Variants in ST7L observed in about 807,000 individuals in gnomAD.
ST7L encodes the protein suppressor of tumorigenicity 7 protein-like.
Under a neutral mutation model 72.5 loss-of-function variants are expected in ST7L, and 57 were observed. That is an observed-to-expected ratio of 0.79 (90% CI 0.64 to 0.98). ST7L has a LOEUF of 0.98. Ranked by LOEUF, ST7L falls within the 50% of genes least tolerant of loss-of-function variation. The probability of loss-of-function intolerance (pLI) is 0.00; values close to 1 mark genes in which losing one functional copy is unlikely to be tolerated. For missense variants in ST7L, 576 were observed against 672.2 expected, an observed-to-expected ratio of 0.86 and a Z score of 1.58; for synonymous variants, 221 against 240.9, an observed-to-expected ratio of 0.92 and a Z score of 0.77.
chr1:112,595,370 GA>G (rs67553307), intron 5 of ST7L, among the ~76,000 whole-genome samples: 10,220 of 52,250 alleles, frequency 0.2, 320 homozygotes, highest in Non-Finnish European at 0.24. Flanking sequence ...GGTCTCAAAA[GA>G]AAAAAAAAAA....
intron 8 of ST7L, 91 bp downstream of exon 8, chr1:112,582,284 C>A: frequency 2.0e-6 from 2 of 1,014,310 alleles, no homozygotes; most frequent in Non-Finnish European, 2.9e-6. Context: ...AATTAAAATA[C>A]AATGATTCTG....
chr1:112,526,292 C>A, intron 14 of ST7L, 181 bp from the exon 15 acceptor site: 3 of 626,308 alleles, frequency 4.8e-6, no homozygotes, highest in Non-Finnish European at 7.8e-6. Context: ...CACTATACAA[C>A]ATATTCCACA....
downstream of ST7L, among the ~76,000 whole-genome samples, chr1:112,518,733 G>A (rs995820938): frequency 1.3e-5 from 2 of 152,146 alleles, no homozygotes; most frequent in South Asian, 2.1e-4. Context: ...ATGTGTGTTC[G>A]TTTTTCTCAG....
At chr1:112,611,030 C>G (rs928150306) in intron 2 of ST7L, 27 bp from the exon 3 acceptor site, 6 of 1,608,948 alleles carry the variant, frequency 3.7e-6, no homozygotes, top group Non-Finnish European at 4.2e-6. Flanking sequence ...ATATCCTGCA[C>G]TTAGAATCGA....
rs147300308 is a variant in ST7L at position 112,614,600 on chromosome 1, G to A, written c.288+2213C>T. Among the ~76,000 whole-genome samples the A allele has an allele frequency of 2.5e-4, 38 of 151,984 alleles. No homozygotes were observed. In the East Asian group the frequency reaches 7.2e-3, roughly 29 times the overall value. ...TATTTAGTCCCTATTTAAAAAAATAGATCCAATACAAATGCTATTTCTACT... is the reference window on the plus strand; with the variant it reads ...TATTTAGTCCCTATTTAAAAAAATAAATCCAATACAAATGCTATTTCTACT... On this transcript the variant is annotated intron_variant, in intron 2 of 14. Coordinates refer to ENST00000358039, the MANE Select transcript of ST7L (RefSeq NM_017744.5).
At chr1:112,564,685 C>T (rs1332352687) in intron 11 of ST7L, among the ~76,000 whole-genome samples, 1 of 151,770 alleles carries the variant, frequency 6.6e-6, no homozygotes, top group Non-Finnish European at 1.5e-5. Context: ...GGTGTGGTGG[C>T]GGGTGCCTAT....
intron 3 of ST7L, among the ~76,000 whole-genome samples, chr1:112,604,775 TAAAAAAAAAAAA>T (rs556388277): frequency 1.2e-3 from 72 of 58,784 alleles, no homozygotes; most frequent in Middle Eastern, 9.4e-3. Flanking sequence ...TTGTCTCTCT[TAAAAAAAAAAAA>T]AAAAAAAAAA....
intron 11 of ST7L, among the ~76,000 whole-genome samples, chr1:112,574,154 C>T (rs1662656377): frequency 1.3e-5 from 2 of 148,220 alleles, no homozygotes; most frequent in Admixed American, 6.7e-5. Flanking sequence ...TGAGCTTAGG[C>T]GATCCACCCA....
intron 13 of ST7L, among the ~76,000 whole-genome samples, chr1:112,543,288 G>A (rs546890108): frequency 1.0e-3 from 159 of 152,326 alleles, no homozygotes; most frequent in African/African-American, 3.6e-3. Context: ...AGTGGCTCAC[G>A]CCTGTAATCC....
chr1:112,550,772 A>C, intron 12 of ST7L, 79 bp from the exon 13 acceptor site: 1 of 1,140,962 alleles, frequency 8.8e-7, no homozygotes, highest in South Asian at 1.4e-5. Context: ...TTTATATAGA[A>C]ATTTCACATA....
rs1441707108 is a variant in ST7L at position 112,600,704 on chromosome 1, G to C, written c.506+90C>G. On this transcript the variant is annotated intron_variant, in intron 4 of 14. Coordinates refer to ENST00000358039, the MANE Select transcript of ST7L (RefSeq NM_017744.5). ...TAGACCAGTATCTTCTACTAGAAGA[G>C]CTGCGATATATTTATAAAGACAAAT... is the stretch of plus-strand genomic sequence containing the variant. The C allele has an allele frequency of 2.7e-6, 3 of 1,093,820 alleles. No individual in the cohort carries two copies. In the African/African-American group the frequency reaches 4.7e-5, roughly 17 times the overall value. 67.8% of individuals were successfully genotyped at this position (1,093,820 alleles called of 1,614,324 possible). A position where few individuals can be genotyped will look rare whatever the true frequency, so the allele number is the denominator to read the frequency against.
At chr1:112,581,163 A>G (rs370858775) in intron 9 of ST7L, among the ~76,000 whole-genome samples, 12 of 152,308 alleles carry the variant, frequency 7.9e-5, no homozygotes, top group African/African-American at 2.9e-4. Flanking sequence ...TTTGTAACTA[A>G]AAAGCATTGT....
rs777969643 is a variant in ST7L, at chr1:112,565,211, ATTTTTTTTTTTTTT to A, written c.1246-9207_1246-9194del. Among the ~76,000 whole-genome samples, 37 of 57,954 alleles carry A rather than the reference ATTTTTTTTTTTTTT, an allele frequency of 6.4e-4. No homozygotes were observed. The East Asian group carries it at 6.4e-3, about 10-fold the overall frequency. 38.0% of individuals were successfully genotyped at this position (57,954 alleles called of 152,430 possible). ...AGGCGCCCACCACCATGTTCGGCTA[ATTTTTTTTTTTTTT>A]TTTTTTTTTTTTTTTTGTATTTTCA... is the stretch of plus-strand genomic sequence containing the variant. On this transcript the variant is annotated intron_variant, in intron 11 of 14. Coordinates refer to ENST00000358039, the MANE Select transcript of ST7L (RefSeq NM_017744.5).
chr1:112,560,967 GAAAAAAA>G, intron 11 of ST7L, among the ~76,000 whole-genome samples: 1 of 90,232 alleles, frequency 1.1e-5, no homozygotes, highest in African/African-American at 4.6e-5. Context: ...ACATCTTAAA[GAAAAAAA>G]AAAAAAAAAA....
downstream of ST7L, among the ~76,000 whole-genome samples, chr1:112,519,440 C>T (rs182938196): frequency 2.0e-5 from 3 of 152,176 alleles, no homozygotes; most frequent in East Asian, 5.8e-4. Context: ...TCTTATTAAC[C>T]ATGGAAAAGC....
At position 112,542,046 on chromosome 1, in the gene ST7L, AC is replaced by A. The variant is rs755024104; in HGVS notation, c.1533del (p.Leu511PhefsTer15). The A allele has an allele frequency of 6.2e-7, 1 of 1,613,178 alleles. No individual in the cohort carries two copies. Among genetic ancestry groups the A allele is most frequent in the South Asian group, 1.1e-5 (1 of 90,764 alleles). ...VSVYPKKELPLFIHFTAGFCS... is the reference protein window; with the variant it reads ...VSVYPKKELPXFIHFTAGFCS... ...CAAAATCCTGCTGTGAAATGGATGA[AC>A]AAAGGAAGCTCCTTTTTTGGGTAAA... On this transcript the variant is annotated frameshift_variant, in exon 14 of 15. Transcript: ENST00000358039. LOFTEE classifies it high-confidence loss of function.
chr1:112,556,078 GTTAAA>G, intron 11 of ST7L, 60 bp from the exon 12 acceptor site: 1 of 1,264,568 alleles, frequency 7.9e-7, no homozygotes, highest in Non-Finnish European at 1.0e-6. Flanking sequence ...ATTAAATTGT[GTTAAA>G]TTCAAACACC....
intron 11 of ST7L, among the ~76,000 whole-genome samples, chr1:112,557,987 T>C (rs907577786): frequency 1.3e-5 from 2 of 152,236 alleles, no homozygotes; most frequent in African/African-American, 4.8e-5. Context: ...TCAAATGTAC[T>C]TGTTATATGT....
chr1:112,596,122 C>T (rs1046058354), intron 5 of ST7L, among the ~76,000 whole-genome samples: 5 of 152,166 alleles, frequency 3.3e-5, no homozygotes, highest in African/African-American at 1.2e-4. Context: ...TGTTATTTCC[C>T]CAACACCTAT....
Sources: gnomAD v4.1 joint callset for allele counts (sites outside exome capture counted in the v4.1 genomes callset) on GRCh38, gnomAD v4.1.1 for gene constraint, MANE v1.5 for transcripts, NCBI Gene and HGNC (gene_info 2026-07-23, HGNC 2026-07-21) for gene names.